Variants in FARP1 observed in about 807,000 individuals in gnomAD.
The protein encoded by FARP1 is FERM, ARHGEF and pleckstrin domain-containing protein 1.
FARP1 carries 52 observed loss-of-function variants against 128.8 expected under a neutral mutation model. The ratio of observed to expected loss-of-function variants is 0.40; its 90% CI spans 0.32 to 0.51. The LOEUF is 0.51. Among genes scored for constraint, FARP1 ranks in the 20% least tolerant of loss-of-function variants. The pLI, the probability that FARP1 is intolerant of heterozygous loss-of-function variation, is 0.45. For missense variants in FARP1, 1,333 were observed against 1,367.9 expected (o/e 0.97, Z 0.40); for synonymous variants, 580 against 551.8 (o/e 1.05, Z -0.72).
chr13:98,179,884 A>C (rs372648349), intron 1 of FARP1, among the ~76,000 whole-genome samples: 1 of 141,162 alleles, frequency 7.1e-6, no homozygotes, highest in African/African-American at 2.5e-5. Flanking sequence ...CAAAACAAAA[A>C]ACTTTTGACT....
intron 1 of FARP1, among the ~76,000 whole-genome samples, chr13:98,165,286 C>A (rs1566685183): frequency 1.3e-5 from 2 of 148,754 alleles, no homozygotes; most frequent in African/African-American, 4.9e-5. Context: ...TCTCATTCTT[C>A]TTTATCCTTT....
chr13:98,275,289 TC>T (rs139455808), intron 2 of FARP1, among the ~76,000 whole-genome samples: 2,648 of 151,446 alleles, frequency 0.017, 74 homozygotes, highest in African/African-American at 0.06. Flanking sequence ...ATACATGATG[TC>T]AGAGATTTGC....
intron 2 of FARP1, among the ~76,000 whole-genome samples, chr13:98,284,874 ACTT>A (rs1165699306): frequency 6.6e-6 from 1 of 152,084 alleles, no homozygotes; most frequent in African/African-American, 2.4e-5. Flanking sequence ...GCTGAGGCAC[ACTT>A]CTTGCTAGTT....
intron 2 of FARP1, among the ~76,000 whole-genome samples, chr13:98,259,811 C>G (rs538165884): frequency 1.3e-5 from 2 of 149,578 alleles, no homozygotes; most frequent in African/African-American, 2.5e-5. Flanking sequence ...AGATTCAGGT[C>G]GGATGAAGGG....
chr13:98,355,604 T>C (rs867258033), intron 3 of FARP1, among the ~76,000 whole-genome samples: 6 of 152,314 alleles, frequency 3.9e-5, no homozygotes, highest in Middle Eastern at 3.4e-3. Flanking sequence ...CTTAGGGCAA[T>C]TTTAATACAT....
intron 25 of FARP1, 74 bp from the exon 26 acceptor site, chr13:98,446,592 A>C: frequency 6.7e-7 from 1 of 1,497,952 alleles, no homozygotes; most frequent in Non-Finnish European, 9.2e-7. Context: ...TCCCTGTCTG[A>C]TGCGGGGCAG....
chr13:98,153,272 TTTATA>T (rs1243507569), intron 1 of FARP1, among the ~76,000 whole-genome samples: 2 of 58,126 alleles, frequency 3.4e-5, no homozygotes, highest in East Asian at 1.0e-3. Flanking sequence ...AATAATAACC[TTTATA>T]TATATATAAA....
chr13:98,435,764 G>A, intron 19 of FARP1, 58 bp downstream of exon 19: 1 of 1,579,500 alleles, frequency 6.3e-7, no homozygotes, highest in Non-Finnish European at 8.7e-7. Flanking sequence ...GGCATCGGAG[G>A]GACTTACATT....
Position 98,241,582 on chromosome 13 carries a change from C to G in FARP1, c.171+28169C>G, listed in dbSNP as rs1326280010. Among the ~76,000 whole-genome samples the G allele has an allele frequency of 2.6e-5, 4 of 152,084 alleles. No homozygotes were observed. The East Asian group carries it at 7.7e-4, about 29-fold the overall frequency. ...ATCTCTTGAGGCCAGGAGCTCAAGA[C>G]CAGCCTGGGCAATATAGTGAGATGT... On this transcript the variant is annotated intron_variant, in intron 2 of 26. Transcript: ENST00000319562.
At chr13:98,258,997 C>T (rs1466659647) in intron 2 of FARP1, among the ~76,000 whole-genome samples, 1 of 152,130 alleles carries the variant, frequency 6.6e-6, no homozygotes, top group Admixed American at 6.5e-5. Flanking sequence ...CGCTTGAGCT[C>T]AGGTGTTTGA....
chr13:98,166,653 C>T (rs1239066468), intron 1 of FARP1, among the ~76,000 whole-genome samples: 1 of 152,020 alleles, frequency 6.6e-6, no homozygotes, highest in Non-Finnish European at 1.5e-5. Flanking sequence ...TTTTCCCAAA[C>T]CGGAAACCTA....
intron 1 of FARP1, among the ~76,000 whole-genome samples, chr13:98,182,351 G>C (rs1308621366): frequency 1.3e-5 from 2 of 151,982 alleles, no homozygotes; most frequent in Non-Finnish European, 2.9e-5. Flanking sequence ...TTTGAGACAG[G>C]ATCTTGCCCT....
intron 2 of FARP1, among the ~76,000 whole-genome samples, chr13:98,267,936 A>T (rs1024284728): frequency 2.4e-5 from 3 of 127,180 alleles, no homozygotes; most frequent in South Asian, 3.0e-4. Context: ...ACGGATACTT[A>T]AAAAAATCTT....
intron 2 of FARP1, among the ~76,000 whole-genome samples, chr13:98,224,526 C>CAAAAAAAAAAAAA (rs1203238924): frequency 5.1e-3 from 250 of 49,208 alleles, no homozygotes; most frequent in Non-Finnish European, 8.2e-3. Context: ...GACTCTGTCT[C>CAAAAAAAAAAAAA]AAAAAAAAAA....
intron 1 of FARP1, among the ~76,000 whole-genome samples, chr13:98,147,025 A>C (rs1335040906): frequency 1.3e-5 from 2 of 152,136 alleles, no homozygotes; most frequent in African/African-American, 4.8e-5. Flanking sequence ...TTTTCATTCA[A>C]ATTACTTGAA....
intron 2 of FARP1, among the ~76,000 whole-genome samples, chr13:98,327,825 A>G (rs1225518590): frequency 6.6e-6 from 1 of 152,224 alleles, no homozygotes; most frequent in Non-Finnish European, 1.5e-5. Context: ...GCATTCTGAC[A>G]GGCTAGGAAG....
intron 2 of FARP1, among the ~76,000 whole-genome samples, chr13:98,262,196 T>C (rs1883917800): frequency 6.6e-6 from 1 of 151,852 alleles, no homozygotes; most frequent in Non-Finnish European, 1.5e-5. Context: ...TTTTTTTTTT[T>C]TTTTAAAGAA....
At chr13:98,392,939 G>A (rs887931189) in intron 11 of FARP1, among the ~76,000 whole-genome samples, 3 of 152,108 alleles carry the variant, frequency 2.0e-5, no homozygotes, top group African/African-American at 7.2e-5. Context: ...TCAGAATGTG[G>A]ATCTCTAGAG....
intron 1 of FARP1, among the ~76,000 whole-genome samples, chr13:98,151,924 A>G (rs1223967899): frequency 6.6e-6 from 1 of 151,636 alleles, no homozygotes; most frequent in Non-Finnish European, 1.5e-5. Context: ...GGCCTCCCAA[A>G]GTGCTGGGAT....
Sources: allele counts gnomAD v4.1 joint callset (sites outside exome capture counted in the v4.1 genomes callset), GRCh38; gene constraint gnomAD v4.1.1; transcripts MANE v1.5; gene names NCBI Gene and HGNC (gene_info 2026-07-23, HGNC 2026-07-21).